Variants in RASAL2 observed in about 807,000 individuals in gnomAD.
RASAL2 encodes the protein ras GTPase-activating protein nGAP.
Under a neutral mutation model 128.9 loss-of-function variants are expected in RASAL2, and 58 were observed. The observed-to-expected ratio is 0.45, with a 90% CI of 0.36 to 0.56. The LOEUF (loss-of-function observed/expected upper bound fraction) is 0.56, where lower values mean the gene tolerates loss of function less well. Ranked by LOEUF, RASAL2 falls within the 20% of genes least tolerant of loss-of-function variation. The pLI, the probability that RASAL2 is intolerant of heterozygous loss-of-function variation, is 0.00. For missense variants in RASAL2, 1,360 were observed against 1,601.6 expected (o/e 0.85, Z 2.57); for synonymous variants, 561 against 580.8 (o/e 0.97, Z 0.49).
intron 1 of RASAL2, among the ~76,000 whole-genome samples, chr1:178,227,584 T>G (rs1663839317): frequency 6.6e-6 from 1 of 152,116 alleles, no homozygotes; most frequent in Admixed American, 6.5e-5. Flanking sequence ...CTGGTTGTTT[T>G]TTGTTGTTGT....
Position 178,177,089 on chromosome 1 carries a change from C to G in RASAL2, c.202+82395C>G, listed in dbSNP as rs543599112. Among the ~76,000 whole-genome samples, 32 of 152,274 alleles carry G rather than the reference C, an allele frequency of 2.1e-4. No homozygotes were observed. In the East Asian group the frequency reaches 3.9e-3, roughly 18 times the overall value. ...AGTTGTTTAAAGGAACAGTGGGTAA[C>G]ATGAATAGTTGTGAGAATAGTACCA... is the stretch of plus-strand genomic sequence containing the variant. On this transcript the variant is annotated intron_variant, in intron 1 of 17. Transcript: ENST00000367649.
At chr1:178,109,618 C>G (rs1659222648) in intron 1 of RASAL2, among the ~76,000 whole-genome samples, 1 of 152,160 alleles carries the variant, frequency 6.6e-6, no homozygotes, top group East Asian at 1.9e-4. Flanking sequence ...AACTCCATTT[C>G]TTACAAATAG....
rs1159047375 is a variant in RASAL2 at position 178,094,321 on chromosome 1, C to T, written c.-172C>T. 6.5e-6 allele frequency: 4 copies of T among 612,086 alleles called. No individual in the cohort carries two copies. The highest frequency in any genetic ancestry group is 2.0e-5 in the African/African-American group (1 of 50,296). The allele number at this position is 612,086 out of a possible 1,614,324, so 37.9% of individuals were successfully genotyped here. On this transcript the variant is annotated 5_prime_UTR_variant, in exon 1 of 18. Transcript: ENST00000367649. Reference sequence around the variant, plus strand: ...CTGCAGGTGGGCTGCATCGCCCGAGCCTCGGGCAGTGGGCGACGGGGAAGG... The same window carrying T: ...CTGCAGGTGGGCTGCATCGCCCGAGTCTCGGGCAGTGGGCGACGGGGAAGG...
At chr1:178,369,265 A>G (rs933477621) in intron 3 of RASAL2, among the ~76,000 whole-genome samples, 1 of 152,034 alleles carries the variant, frequency 6.6e-6, no homozygotes, top group African/African-American at 2.4e-5. Flanking sequence ...CTCTGCACCC[A>G]GGCTGGAGTG....
In RASAL2 at chr1:178,360,783, T is replaced by C. The variant is rs149281477; in HGVS notation, c.458-29317T>C. ...GGGCTGTGAGAACGAATCTGTTGCA[T>C]GCCTTTTCACCTCGCTTCCAGTGGG... is the stretch of plus-strand genomic sequence containing the variant. On this transcript the variant is annotated intron_variant, in intron 3 of 17. Coordinates refer to ENST00000367649, the MANE Select transcript of RASAL2 (RefSeq NM_170692.4). Among the ~76,000 whole-genome samples the C allele has an allele frequency of 1.1e-3, 175 of 152,342 alleles. 4 individuals are homozygous for C. In the East Asian group the frequency reaches 0.031, roughly 27 times the overall value.
intron 1 of RASAL2, among the ~76,000 whole-genome samples, chr1:178,247,840 C>G (rs1664845903): frequency 6.6e-6 from 1 of 152,172 alleles, no homozygotes; most frequent in African/African-American, 2.4e-5. Flanking sequence ...AGTAGTCATG[C>G]AGGAGCAGGT....
chr1:178,253,364 G>A (rs1282359690), intron 1 of RASAL2, among the ~76,000 whole-genome samples: 1 of 152,044 alleles, frequency 6.6e-6, no homozygotes, highest in Admixed American at 6.6e-5. Flanking sequence ...GGTCACAATC[G>A]CAGATACCAA....
chr1:178,376,251 A>C lies in RASAL2; in HGVS notation c.458-13849A>C, dbSNP rs193267284. Among the ~76,000 whole-genome samples the C allele has an allele frequency of 9.7e-4, 147 of 152,282 alleles. 5 individuals are homozygous for C. The highest frequency in any genetic ancestry group is 8.6e-3 in the Admixed American group (132 of 15,292). On this transcript the variant is annotated intron_variant, in intron 3 of 17. Transcript: ENST00000367649. Reference sequence around the variant, plus strand: ...CTGTTGATAACCTGTGAAAGTGTTAATGCTATTTGAGTAAAGTTGAAGAGG... The same window carrying C: ...CTGTTGATAACCTGTGAAAGTGTTACTGCTATTTGAGTAAAGTTGAAGAGG...
At chr1:178,324,970 TTCTCA>T (rs1668969233) in intron 3 of RASAL2, among the ~76,000 whole-genome samples, 1 of 152,194 alleles carries the variant, frequency 6.6e-6, no homozygotes, top group South Asian at 2.1e-4. Flanking sequence ...GCTCCCTAGT[TTCTCA>T]TAAAGCTGTT....
intron 1 of RASAL2, among the ~76,000 whole-genome samples, chr1:178,200,374 A>G (rs1030524016): frequency 2.0e-5 from 3 of 152,206 alleles, no homozygotes; most frequent in African/African-American, 4.8e-5. Context: ...GACATTCCTG[A>G]TGCGCTGCTC....
intron 15 of RASAL2, 59 bp downstream of exon 15, chr1:178,464,471 G>A: frequency 1.3e-6 from 2 of 1,587,868 alleles, no homozygotes; most frequent in South Asian, 2.3e-5. Flanking sequence ...CACTAAAAAG[G>A]TTATCTAGCT....
chr1:178,398,295 A>G (rs1673376749), intron 4 of RASAL2, among the ~76,000 whole-genome samples: 1 of 152,150 alleles, frequency 6.6e-6, no homozygotes, highest in Admixed American at 6.5e-5. Flanking sequence ...AGTGTCCTAT[A>G]TGTGGAATAT....
intron 1 of RASAL2, among the ~76,000 whole-genome samples, chr1:178,239,452 T>C (rs945029070): frequency 1.3e-5 from 2 of 152,056 alleles, no homozygotes; most frequent in Non-Finnish European, 2.9e-5. Context: ...AGTGAAGATG[T>C]TATACAACTG....
chr1:178,447,384 C>T (rs1487073738), intron 9 of RASAL2, among the ~76,000 whole-genome samples: 1 of 151,538 alleles, frequency 6.6e-6, no homozygotes, highest in East Asian at 1.9e-4. Flanking sequence ...AATTAAGAAG[C>T]CATTGTAGGC....
intron 4 of RASAL2, among the ~76,000 whole-genome samples, chr1:178,405,822 T>C (rs1167795437): frequency 6.6e-6 from 1 of 152,238 alleles, no homozygotes; most frequent in East Asian, 1.9e-4. Context: ...GAATTTAGAA[T>C]TAGGGCTGTG....
chr1:178,226,080 A>T (rs1663774864), intron 1 of RASAL2, among the ~76,000 whole-genome samples: 1 of 152,210 alleles, frequency 6.6e-6, no homozygotes, highest in South Asian at 2.1e-4. Flanking sequence ...TTAGTTTAAG[A>T]TCTATCTACA....
intron 5 of RASAL2, among the ~76,000 whole-genome samples, chr1:178,436,934 T>C (rs1434653738): frequency 6.6e-6 from 1 of 152,050 alleles, no homozygotes; most frequent in Admixed American, 6.6e-5. Context: ...TTCTATTGCC[T>C]TTTACTGAGA....
At chr1:178,411,903 T>C in intron 4 of RASAL2, 1 of 685,440 alleles carries the variant, frequency 1.5e-6, no homozygotes, top group Non-Finnish European at 2.7e-6. Context: ...CCAGTCGGCC[T>C]TCAGAGCCCT....
chr1:178,243,546 T>C (rs1664618180), intron 1 of RASAL2, among the ~76,000 whole-genome samples: 1 of 151,402 alleles, frequency 6.6e-6, no homozygotes, highest in Admixed American at 6.6e-5. Context: ...GCTTATTGTC[T>C]GTTGGCCTCC....
Sources: gnomAD v4.1 joint callset for allele counts (sites outside exome capture counted in the v4.1 genomes callset) on GRCh38, gnomAD v4.1.1 for gene constraint, MANE v1.5 for transcripts, NCBI Gene and HGNC (gene_info 2026-07-23, HGNC 2026-07-21) for gene names.